SYNDIG1: variants seen among roughly 807,000 people sequenced by gnomAD.
SYNDIG1 encodes the protein synapse differentiation-inducing gene protein 1.
A neutral mutation model predicts 19.4 loss-of-function variants in SYNDIG1; 9 were observed. That is an observed-to-expected ratio of 0.46 (90% CI 0.28 to 0.81). The LOEUF (loss-of-function observed/expected upper bound fraction) is 0.81. Ranked by LOEUF, SYNDIG1 falls within the 30% of genes least tolerant of loss-of-function variation. The pLI is 0.12. For missense variants in SYNDIG1, 311 were observed against 343.3 expected (o/e 0.91, Z 0.74); for synonymous variants, 141 against 145.9 (o/e 0.97, Z 0.24).
intron 2 of SYNDIG1, among the ~76,000 whole-genome samples, chr20:24,573,286 C>T (rs2058174361): frequency 6.6e-6 from 1 of 152,172 alleles, no homozygotes; most frequent in South Asian, 2.1e-4. Flanking sequence ...CTATTTATGT[C>T]CCAGTCACGT....
chr20:24,474,609 T>G (rs954646017), intron 1 of SYNDIG1, among the ~76,000 whole-genome samples: 7 of 152,256 alleles, frequency 4.6e-5, no homozygotes, highest in African/African-American at 1.7e-4. Context: ...TGGTTTTTAG[T>G]TGTTAACTGA....
At chr20:24,484,781 T>C (rs1266756965) in intron 1 of SYNDIG1, among the ~76,000 whole-genome samples, 1 of 152,220 alleles carries the variant, frequency 6.6e-6, no homozygotes, top group Admixed American at 6.5e-5. Flanking sequence ...ATCTATTTGT[T>C]TAACATATGG....
intron 1 of SYNDIG1, among the ~76,000 whole-genome samples, chr20:24,503,907 A>G (rs1452282965): frequency 2.6e-5 from 4 of 151,128 alleles, no homozygotes; most frequent in African/African-American, 9.8e-5. Context: ...AAGACATTTC[A>G]TGAGGATTGC....
intron 1 of SYNDIG1, among the ~76,000 whole-genome samples, chr20:24,471,477 C>T (rs956348145): frequency 6.6e-6 from 1 of 151,806 alleles, no homozygotes; most frequent in East Asian, 1.9e-4. Flanking sequence ...TTCCTCCCTC[C>T]CCTCTCTCTC....
intron 2 of SYNDIG1, among the ~76,000 whole-genome samples, chr20:24,556,770 G>A (rs539954206): frequency 6.6e-6 from 1 of 152,242 alleles, no homozygotes; most frequent in East Asian, 1.9e-4. Flanking sequence ...TGGTGAATCT[G>A]ACAATTATGT....
intron 1 of SYNDIG1, among the ~76,000 whole-genome samples, chr20:24,497,288 G>A (rs771574417): frequency 2.0e-5 from 3 of 152,120 alleles, no homozygotes; most frequent in Middle Eastern, 3.4e-3. Flanking sequence ...TGCAATCTTC[G>A]CCTCCCAGTT....
intron 1 of SYNDIG1, among the ~76,000 whole-genome samples, chr20:24,532,836 A>G (rs142636548): frequency 1.3e-3 from 203 of 151,880 alleles, no homozygotes; most frequent in African/African-American, 4.4e-3. Context: ...ATCTCCACCT[A>G]TTTCTCTTCG....
chr20:24,540,725 C>T (rs1397183113), intron 1 of SYNDIG1, among the ~76,000 whole-genome samples: 1 of 152,106 alleles, frequency 6.6e-6, no homozygotes, highest in Non-Finnish European at 1.5e-5. Flanking sequence ...GATTTTAACC[C>T]TCCTTGCATT....
intron 3 of SYNDIG1, among the ~76,000 whole-genome samples, chr20:24,661,401 GTA>G (rs2059588659): frequency 6.8e-6 from 1 of 147,498 alleles, no homozygotes; most frequent in African/African-American, 2.5e-5. Flanking sequence ...GAGGGAGGAG[GTA>G]GGAAAGAAGG....
intron 2 of SYNDIG1, among the ~76,000 whole-genome samples, chr20:24,547,953 G>A (rs912423808): frequency 3.3e-5 from 5 of 152,174 alleles, no homozygotes; most frequent in Non-Finnish European, 5.9e-5. Flanking sequence ...TCTCAGACCT[G>A]AAGTACATGA....
At chr20:24,495,773 G>A (rs1030802377) in intron 1 of SYNDIG1, 2 of 152,228 alleles carry the variant, frequency 1.3e-5, no homozygotes, top group African/African-American at 4.8e-5. Context: ...CCAACGCCCT[G>A]GCCAAATGCT....
intron 3 of SYNDIG1, among the ~76,000 whole-genome samples, chr20:24,618,279 G>A (rs560220168): frequency 6.7e-6 from 1 of 148,568 alleles, no homozygotes; most frequent in East Asian, 2.0e-4. Flanking sequence ...CGGAAGGGGG[G>A]TCCTGAGGGA....
chr20:24,536,113 G>A (rs889069716), intron 1 of SYNDIG1, among the ~76,000 whole-genome samples: 11 of 152,194 alleles, frequency 7.2e-5, no homozygotes, highest in Admixed American at 4.6e-4. Context: ...TGTGATGGGA[G>A]AGCCTGCAGT....
Position 24,543,267 on chromosome 20 carries a change from C to T in SYNDIG1, c.170C>T (p.Thr57Ile). 1.2e-6 allele frequency: 2 copies of T among 1,613,700 alleles called. No homozygotes were observed. Among genetic ancestry groups the T allele is most frequent in the Non-Finnish European group, 1.7e-6 (2 of 1,180,024 alleles). ...QYQSHRVGAS[T>I]VPASLDSSRS... ...CAGAGCCACCGGGTGGGGGCCAGCA[C>T]AGTGCCGGCCAGCCTGGACAGCAGC... is the stretch of plus-strand genomic sequence containing the variant. Residue 57 changes from threonine to isoleucine, a missense_variant, in exon 2 of 4, where the codon ACA becomes ATA. Coordinates refer to ENST00000376862, the MANE Select transcript of SYNDIG1 (RefSeq NM_024893.3).
intron 3 of SYNDIG1, among the ~76,000 whole-genome samples, chr20:24,608,871 A>C (rs1440101776): frequency 6.6e-6 from 1 of 152,206 alleles, no homozygotes; most frequent in Non-Finnish European, 1.5e-5. Flanking sequence ...CTAAGATTAG[A>C]TGATGTTCAG....
chr20:24,548,325 G>C (rs552498998), intron 2 of SYNDIG1, among the ~76,000 whole-genome samples: 1 of 152,308 alleles, frequency 6.6e-6, no homozygotes, highest in East Asian at 1.9e-4. Flanking sequence ...AGAGTCCAAG[G>C]ACAAAGCAGG....
chr20:24,613,252 G>C (rs2058877292), intron 3 of SYNDIG1, among the ~76,000 whole-genome samples: 1 of 152,216 alleles, frequency 6.6e-6, no homozygotes. Flanking sequence ...GGGCCTCTGA[G>C]ATAAGACAGG....
chr20:24,531,474 G>A (rs1400764727), intron 1 of SYNDIG1, among the ~76,000 whole-genome samples: 2 of 152,148 alleles, frequency 1.3e-5, no homozygotes, highest in Non-Finnish European at 1.5e-5. Flanking sequence ...AAACTAGTAA[G>A]AGAAAGTTCT....
At chr20:24,535,274 A>C (rs753134763) in intron 1 of SYNDIG1, among the ~76,000 whole-genome samples, 1 of 152,206 alleles carries the variant, frequency 6.6e-6, no homozygotes, top group Admixed American at 6.5e-5. Flanking sequence ...TCTTCATGTC[A>C]AAGGGAAGAT....
Sources: gnomAD v4.1 joint callset for allele counts (sites outside exome capture counted in the v4.1 genomes callset) on GRCh38, gnomAD v4.1.1 for gene constraint, MANE v1.5 for transcripts, NCBI Gene and HGNC (gene_info 2026-07-23, HGNC 2026-07-21) for gene names.